The following C2orf49 variants were observed in gnomAD, a reference collection of about 807,000 sequenced individuals.
C2orf49 encodes tRNA-splicing ligase complex subunit ASW.
A neutral mutation model predicts 20.6 loss-of-function variants in C2orf49; 11 were observed. The observed-to-expected ratio is 0.53, with a 90% CI of 0.34 to 0.88. The LOEUF (loss-of-function observed/expected upper bound fraction) is 0.88. C2orf49 is among the 40% of genes least tolerant of loss of function. The probability of loss-of-function intolerance (pLI) is 0.02; values close to 1 mark genes in which losing one functional copy is unlikely to be tolerated. For missense variants in C2orf49, 289 were observed against 274.2 expected, an observed-to-expected ratio of 1.05 and a Z score of -0.38; for synonymous variants, 134 against 108.5, an observed-to-expected ratio of 1.24 and a Z score of -1.46.
downstream of C2orf49, among the ~76,000 whole-genome samples, chr2:105,349,599 A>G (rs1459855344): frequency 2.0e-5 from 3 of 152,206 alleles, no homozygotes; most frequent in South Asian, 2.1e-4. Flanking sequence ...TTGAGTACCT[A>G]CTATGCTAGC....
At chr2:105,373,573 T>C in the C2orf49 span, 1 of 1,614,204 alleles carries the variant, frequency 6.2e-7, no homozygotes, top group South Asian at 1.1e-5. Context: ...CATGATGGTC[T>C]TCTTGCATTC....
At chr2:105,358,050 G>C in the C2orf49 span, 1 of 152,142 alleles carries the variant, frequency 6.6e-6, no homozygotes, top group Non-Finnish European at 1.5e-5. Context: ...TTCCAGGAGG[G>C]CTCTTCTTGG....
chr2:105,338,447 G>A (rs1302623507), intron 1 of C2orf49, among the ~76,000 whole-genome samples: 1 of 152,198 alleles, frequency 6.6e-6, no homozygotes, highest in Non-Finnish European at 1.5e-5. Flanking sequence ...AGGTACTTAA[G>A]AATGAGTCGA....
At chr2:105,377,356 C>T in the C2orf49 span, among the ~76,000 whole-genome samples, 29 of 152,128 alleles carry the variant, frequency 1.9e-4, no homozygotes, top group African/African-American at 6.0e-4. Flanking sequence ...TTTGGCCAGG[C>T]GAGGTGGCTC....
chr2:105,378,383 G>A, the C2orf49 span: 20 of 349,312 alleles, frequency 5.7e-5, no homozygotes, highest in African/African-American at 1.7e-4. Context: ...ATCCCACCTC[G>A]CAAGGTGAAG....
At chr2:105,361,476 A>G in the C2orf49 span, 6 of 1,583,942 alleles carry the variant, frequency 3.8e-6, no homozygotes, top group Middle Eastern at 3.4e-4. Context: ...AGAAAGTTAG[A>G]ATCAGGCAAC....
chr2:105,363,569 A>G, the C2orf49 span: 1 of 1,163,948 alleles, frequency 8.6e-7, no homozygotes, highest in Admixed American at 2.5e-5. Flanking sequence ...CCTCATCCAG[A>G]AACGTCCAGT....
chr2:105,365,674 CAA>C, the C2orf49 span, among the ~76,000 whole-genome samples: 17 of 71,562 alleles, frequency 2.4e-4, no homozygotes, highest in Non-Finnish European at 1.7e-4. Context: ...GTCTCTACTA[CAA>C]AAAAAAAAAA....
chr2:105,367,007 C>G, the C2orf49 span, among the ~76,000 whole-genome samples: 1 of 152,300 alleles, frequency 6.6e-6, no homozygotes, highest in South Asian at 2.1e-4. Flanking sequence ...TGGCCTCCCA[C>G]AGGTGATCCA....
At chr2:105,355,981 A>C in the C2orf49 span, among the ~76,000 whole-genome samples, 1 of 152,280 alleles carries the variant, frequency 6.6e-6, no homozygotes, top group Admixed American at 6.5e-5. Flanking sequence ...GTGATGACTC[A>C]TGCTGGTAAT....
the C2orf49 span, chr2:105,361,189 C>A: frequency 7.5e-7 from 1 of 1,330,008 alleles, no homozygotes; most frequent in Non-Finnish European, 1.0e-6. Flanking sequence ...CTCAATGTGG[C>A]TGGAAGAAAC....
rs199899473 is a variant in C2orf49 at position 105,342,955 on chromosome 2, G to A, written c.374G>A (p.Arg125Gln). 2.1e-5 allele frequency: 34 copies of A among 1,614,178 alleles called. No homozygotes were observed. Among genetic ancestry groups the A allele is most frequent in the Admixed American group, 8.3e-5 (5 of 60,026 alleles). The change falls in exon 3 of 4, where the codon CGA (arginine) becomes CAA (glutamine). Residue 125 changes from arginine to glutamine, a missense_variant. Arg to Gln is a conservative substitution (Grantham distance 43). Coordinates refer to ENST00000258457, the MANE Select transcript of C2orf49 (RefSeq NM_024093.3). ...AAGACAGAGAATGGAGATAATGATC[G>A]ACTGAAGCCTCCCCCGCAGGCAAGC... ...VKKTENGDND[R>Q]LKPPPQASFT...
chr2:105,343,711 A>G (rs1441586578), intron 3 of C2orf49, among the ~76,000 whole-genome samples: 2 of 152,068 alleles, frequency 1.3e-5, no homozygotes, highest in African/African-American at 4.8e-5. Flanking sequence ...TGCTCAATTT[A>G]CCTAGCTTTG....
the C2orf49 span, chr2:105,357,623 T>G: frequency 1.3e-5 from 2 of 152,214 alleles, no homozygotes; most frequent in Non-Finnish European, 2.9e-5. Context: ...ATACAATGCT[T>G]ACACATCACT....
At chr2:105,340,347 C>G (rs1679633291) in intron 2 of C2orf49, among the ~76,000 whole-genome samples, 1 of 152,172 alleles carries the variant, frequency 6.6e-6, no homozygotes, top group Admixed American at 6.5e-5. Flanking sequence ...ACTCTGGCTG[C>G]TGTCCTAAGA....
At chr2:105,350,293 G>T (rs1679904896), downstream of C2orf49, among the ~76,000 whole-genome samples, 2 of 152,346 alleles carry the variant, frequency 1.3e-5, no homozygotes, top group East Asian at 1.9e-4. Context: ...AGGCTTACTA[G>T]GTTCTTAGAA....
At chr2:105,378,125 G>T in the C2orf49 span, 3 of 471,192 alleles carry the variant, frequency 6.4e-6, no homozygotes, top group Admixed American at 7.0e-5. Context: ...TGCCTGCACA[G>T]ACATGGAAAA....
intron 2 of C2orf49, among the ~76,000 whole-genome samples, chr2:105,341,912 T>C (rs1423613940): frequency 6.6e-6 from 1 of 152,230 alleles, no homozygotes; most frequent in African/African-American, 2.4e-5. Flanking sequence ...GAGCAGTGGC[T>C]CACGCCTGTA....
the C2orf49 span, among the ~76,000 whole-genome samples, chr2:105,381,164 G>A: frequency 1.3e-5 from 2 of 152,070 alleles, no homozygotes; most frequent in African/African-American, 4.8e-5. Context: ...AGATCCATAC[G>A]ATTTCACTTC....
Sources: allele counts gnomAD v4.1 joint callset (sites outside exome capture counted in the v4.1 genomes callset), GRCh38; gene constraint gnomAD v4.1.1; transcripts MANE v1.5; gene names NCBI Gene and HGNC (gene_info 2026-07-23, HGNC 2026-07-21).